GALNT17: variants seen among roughly 807,000 people sequenced by gnomAD.
The protein encoded by GALNT17 is UDP-GalNAc:polypeptide N-acetylgalactosaminyltransferase-like 3.
GALNT17 carries 29 observed loss-of-function variants against 63.7 expected under a neutral mutation model. The observed-to-expected ratio is 0.46, with a 90% CI of 0.34 to 0.62. The LOEUF is 0.62. GALNT17 is among the 20% of genes least tolerant of loss of function. The pLI, the probability that GALNT17 is intolerant of heterozygous loss-of-function variation, is 0.01. For missense variants in GALNT17, 603 were observed against 799.6 expected (o/e 0.75, Z 2.97); for synonymous variants, 305 against 318.3 (o/e 0.96, Z 0.45).
At chr7:71,151,766 C>G (rs2116216925) in intron 1 of GALNT17, among the ~76,000 whole-genome samples, 1 of 152,088 alleles carries the variant, frequency 6.6e-6, no homozygotes, top group African/African-American at 2.4e-5. Context: ...TGAAATATGG[C>G]TAAGTTGTTT....
rs955727471 is a variant in GALNT17, at chr7:71,409,013, CACAA to C, written c.590-6872_590-6869del. ...ACACACATACATATATATGCACATA[CACAA>C]ACACACACACACACACACACACACA... On this transcript the variant is annotated intron_variant, in intron 3 of 10. Transcript: ENST00000333538. 9.8e-4 allele frequency among the ~76,000 whole-genome samples: 106 copies of C among 108,032 alleles called. 1 individual carries two copies. Among genetic ancestry groups the C allele is most frequent in the Middle Eastern group, 4.5e-3 (1 of 220 alleles). The allele number at this position is 108,032 out of a possible 152,430, so 70.9% of individuals were successfully genotyped here.
At chr7:71,259,171 A>T (rs892386815) in intron 1 of GALNT17, among the ~76,000 whole-genome samples, 1 of 152,064 alleles carries the variant, frequency 6.6e-6, no homozygotes, top group Non-Finnish European at 1.5e-5. Flanking sequence ...TTTCATCCTA[A>T]ATCTGAATGT....
chr7:71,640,708 C>G (rs1202717745), intron 6 of GALNT17, among the ~76,000 whole-genome samples: 1 of 151,922 alleles, frequency 6.6e-6, no homozygotes, highest in Admixed American at 6.6e-5. Context: ...CTTTAGTAAT[C>G]CTGTGCATTT....
At chr7:71,568,664 A>G (rs1056850810) in intron 5 of GALNT17, among the ~76,000 whole-genome samples, 1 of 152,178 alleles carries the variant, frequency 6.6e-6, no homozygotes, top group South Asian at 2.1e-4. Context: ...CAGCCATAGC[A>G]AAGGGCATGA....
intron 1 of GALNT17, among the ~76,000 whole-genome samples, chr7:71,304,434 A>G (rs1228890656): frequency 6.6e-6 from 1 of 152,180 alleles, no homozygotes; most frequent in Non-Finnish European, 1.5e-5. Flanking sequence ...AAATTACCGT[A>G]TGATCTTAAA....
At chr7:71,604,460 A>G (rs536858980) in intron 6 of GALNT17, among the ~76,000 whole-genome samples, 1 of 152,322 alleles carries the variant, frequency 6.6e-6, no homozygotes, top group Admixed American at 6.5e-5. Flanking sequence ...GTACTATGTT[A>G]AGTGCTCATT....
At chr7:71,313,238 T>C (rs1163816862) in intron 1 of GALNT17, among the ~76,000 whole-genome samples, 1 of 152,216 alleles carries the variant, frequency 6.6e-6, no homozygotes. Flanking sequence ...CTATTGACCT[T>C]TCAATTCTCT....
chr7:71,651,968 T>C (rs1365563611), intron 6 of GALNT17, among the ~76,000 whole-genome samples: 1 of 152,126 alleles, frequency 6.6e-6, no homozygotes, highest in African/African-American at 2.4e-5. Flanking sequence ...TCCCAAAGCA[T>C]TGGGATTACA....
chr7:71,432,692 G>C (rs1294832360), intron 5 of GALNT17, among the ~76,000 whole-genome samples: 1 of 152,236 alleles, frequency 6.6e-6, no homozygotes, highest in African/African-American at 2.4e-5. Context: ...AAGAGGTTGA[G>C]TGCGATGGCT....
chr7:71,385,197 T>C (rs1422753782), intron 2 of GALNT17, among the ~76,000 whole-genome samples: 1 of 152,006 alleles, frequency 6.6e-6, no homozygotes, highest in Non-Finnish European at 1.5e-5. Flanking sequence ...AGCCAAGCGA[T>C]ACCGAGAAAC....
chr7:71,707,712 G>A (rs1242858648), intron 9 of GALNT17, among the ~76,000 whole-genome samples: 1 of 152,156 alleles, frequency 6.6e-6, no homozygotes, highest in African/African-American at 2.4e-5. Flanking sequence ...GTTAACTGGT[G>A]GTTAACTAGC....
chr7:71,345,145 TTG>T lies in GALNT17; in HGVS notation c.422+9414_422+9415del, dbSNP rs1491198675. ...ACTGTTTTTTTTTTGTTGTTGTTTT[TTG>T]TTTTTTTTTTTTGTTTTTTTTTGCT... is the stretch of plus-strand genomic sequence containing the variant. On this transcript the variant is annotated intron_variant, in intron 2 of 10. Coordinates refer to ENST00000333538, the MANE Select transcript of GALNT17 (RefSeq NM_022479.3). Among the ~76,000 whole-genome samples, 3 of 116,938 alleles carry T rather than the reference TTG, an allele frequency of 2.6e-5. No individual in the cohort carries two copies. The East Asian group carries it at 8.4e-4, about 33-fold the overall frequency. The allele number at this position is 116,938 out of a possible 152,430, so 76.7% of individuals were successfully genotyped here. A position where few individuals can be genotyped will look rare whatever the true frequency, so the allele number is the denominator to read the frequency against.
At chr7:71,662,291 C>T (rs558047289) in intron 6 of GALNT17, among the ~76,000 whole-genome samples, 11 of 151,246 alleles carry the variant, frequency 7.3e-5, no homozygotes, top group Non-Finnish European at 1.0e-4. Flanking sequence ...GATTCACGCC[C>T]GAATCTACTT....
chr7:71,620,442 A>G (rs1356021478), intron 6 of GALNT17, among the ~76,000 whole-genome samples: 1 of 152,126 alleles, frequency 6.6e-6, no homozygotes, highest in Non-Finnish European at 1.5e-5. Context: ...ATGCCACTGC[A>G]CTCCAGCCTG....
intron 1 of GALNT17, among the ~76,000 whole-genome samples, chr7:71,231,564 C>T (rs779450361): frequency 1.2e-4 from 19 of 152,068 alleles, no homozygotes; most frequent in Non-Finnish European, 2.2e-4. Flanking sequence ...CCCCATGATT[C>T]TGAAGGCTGA....
At chr7:71,696,962 T>C (rs1791555168) in intron 9 of GALNT17, among the ~76,000 whole-genome samples, 1 of 151,828 alleles carries the variant, frequency 6.6e-6, no homozygotes, top group South Asian at 2.1e-4. Flanking sequence ...ATTATGTAAG[T>C]TGGAAGAATC....
At chr7:71,285,249 A>G (rs1045939472) in intron 1 of GALNT17, among the ~76,000 whole-genome samples, 25 of 152,196 alleles carry the variant, frequency 1.6e-4, no homozygotes, top group Non-Finnish European at 2.8e-4. Flanking sequence ...TATGACAGCA[A>G]TTCGGAATAG....
chr7:71,653,893 T>C (rs1790789660), intron 6 of GALNT17, among the ~76,000 whole-genome samples: 1 of 152,220 alleles, frequency 6.6e-6, no homozygotes, highest in South Asian at 2.1e-4. Context: ...AAACAAGCAC[T>C]GTGGTCAGAG....
chr7:71,500,461 T>C (rs1788162799), intron 5 of GALNT17, among the ~76,000 whole-genome samples: 3 of 152,152 alleles, frequency 2.0e-5, no homozygotes, highest in African/African-American at 7.2e-5. Context: ...TACAAAGATG[T>C]TCCTTCTAAC....
Sources: allele counts gnomAD v4.1 joint callset (sites outside exome capture counted in the v4.1 genomes callset), GRCh38; gene constraint gnomAD v4.1.1; transcripts MANE v1.5; gene names NCBI Gene and HGNC (gene_info 2026-07-23, HGNC 2026-07-21).